DPP10: variants seen among roughly 807,000 people sequenced by gnomAD.
DPP10 encodes the protein inactive dipeptidyl peptidase 10.
A neutral mutation model predicts 120.9 loss-of-function variants in DPP10; 33 were observed. That is an observed-to-expected ratio of 0.27 (90% CI 0.21 to 0.37). The LOEUF is 0.37. Ranked by LOEUF, DPP10 falls within the 10% of genes least tolerant of loss-of-function variation. DPP10 has a pLI of 1.00. For missense variants in DPP10, 816 were observed against 942.8 expected, an observed-to-expected ratio of 0.87 and a Z score of 1.76; for synonymous variants, 337 against 326.1, an observed-to-expected ratio of 1.03 and a Z score of -0.36.
At chr2:115,131,257 G>A (rs2050341653) in intron 1 of DPP10, among the ~76,000 whole-genome samples, 1 of 152,234 alleles carries the variant, frequency 6.6e-6, no homozygotes, top group South Asian at 2.1e-4. Context: ...GCTCATGCCT[G>A]TAATCCCCGA....
At chr2:115,225,493 ATGTG>A (rs35747472) in intron 1 of DPP10, among the ~76,000 whole-genome samples, 36,022 of 149,944 alleles carry the variant, frequency 0.24, 5,173 homozygotes, top group African/African-American at 0.38. Context: ...AACCGCATGA[ATGTG>A]TGTGTGTGTG....
chr2:115,353,677 T>C (rs1211769603), intron 3 of DPP10, among the ~76,000 whole-genome samples: 1 of 152,164 alleles, frequency 6.6e-6, no homozygotes, highest in East Asian at 1.9e-4. Context: ...TGCTATTTAT[T>C]TGCATTTTTT....
intron 1 of DPP10, among the ~76,000 whole-genome samples, chr2:114,621,592 G>T (rs1694095047): frequency 6.6e-6 from 1 of 151,882 alleles, no homozygotes; most frequent in African/African-American, 2.4e-5. Context: ...TTGCAAGTAG[G>T]TTTTTTGTGT....
chr2:115,005,212 T>A (rs375531997), intron 1 of DPP10, among the ~76,000 whole-genome samples: 1 of 152,084 alleles, frequency 6.6e-6, no homozygotes, highest in Non-Finnish European at 1.5e-5. Context: ...CCAAAAACCC[T>A]TCTGTACATC....
chr2:114,815,462 G>A (rs1230191778), intron 1 of DPP10, among the ~76,000 whole-genome samples: 1 of 152,074 alleles, frequency 6.6e-6, no homozygotes, highest in East Asian at 1.9e-4. Context: ...TGCATTGAGG[G>A]TATATTCAGG....
chr2:114,606,134 G>GT (rs762189855), intron 1 of DPP10, among the ~76,000 whole-genome samples: 6 of 152,180 alleles, frequency 3.9e-5, no homozygotes, highest in Non-Finnish European at 7.4e-5. Context: ...TTAATGTTGT[G>GT]TCTTAATATA....
intron 5 of DPP10, among the ~76,000 whole-genome samples, chr2:115,601,700 G>C (rs899828621): frequency 4.5e-4 from 69 of 152,256 alleles, no homozygotes; most frequent in African/African-American, 1.2e-3. Flanking sequence ...AATGGAGACG[G>C]AGTCTTTCTC....
rs1253898414 is a variant in DPP10 at position 115,626,038 on chromosome 2, G to GA, written c.442-63638dup. On this transcript the variant is annotated intron_variant, in intron 5 of 25. Coordinates refer to ENST00000410059, the MANE Select transcript of DPP10 (RefSeq NM_020868.6). Reference sequence around the variant, plus strand: ...TTGGGTATACTTTCCTGGCCAAAAAGAAAAAAAAAAACAAAAAACAGAAGT... The same window carrying GA: ...TTGGGTATACTTTCCTGGCCAAAAAGAAAAAAAAAAAACAAAAAACAGAAGT... Among the ~76,000 whole-genome samples the GA allele has an allele frequency of 3.4e-3, 432 of 125,366 alleles. 2 individuals are homozygous for GA. The highest frequency in any genetic ancestry group is 9.3e-3 in the African/African-American group (317 of 34,248). The allele number at this position is 125,366 out of a possible 152,430, so 82.2% of individuals were successfully genotyped here.
At position 115,768,367 on chromosome 2, in the gene DPP10, G is replaced by T; in HGVS notation, c.1184G>T (p.Arg395Leu). 1.2e-6 allele frequency: 2 copies of T among 1,613,568 alleles called. No homozygotes were observed. Among genetic ancestry groups the T allele is most frequent in the Non-Finnish European group, 1.7e-6 (2 of 1,179,624 alleles). ...ACAGTGCCTGTTAAGCAAGGGGGAC[G>T]TGGAGAATTTCACCACGTAGCTATG... is the stretch of plus-strand genomic sequence containing the variant. ...FMTVPVKQGGRGEFHHVAMFL... is the reference protein window; with the variant it reads ...FMTVPVKQGGLGEFHHVAMFL... Residue 395 changes from arginine to leucine, a missense_variant, in exon 13 of 26, where the codon CGT (arginine) becomes CTT (leucine). Physicochemically the swap from Arg to Leu is moderately radical, Grantham distance 102. Coordinates refer to ENST00000410059, the MANE Select transcript of DPP10 (RefSeq NM_020868.6).
chr2:115,697,737 G>A (rs1286000421), intron 7 of DPP10, among the ~76,000 whole-genome samples: 3 of 152,156 alleles, frequency 2.0e-5, no homozygotes, highest in Non-Finnish European at 2.9e-5. Flanking sequence ...TGTAATCCCA[G>A]CACTTTAGGA....
intron 1 of DPP10, among the ~76,000 whole-genome samples, chr2:114,810,778 C>T (rs1685109189): frequency 6.6e-6 from 1 of 152,116 alleles, no homozygotes; most frequent in Non-Finnish European, 1.5e-5. Flanking sequence ...AGAGAAGGGT[C>T]CTCACCTTGG....
intron 7 of DPP10, among the ~76,000 whole-genome samples, chr2:115,710,755 A>T (rs1003751561): frequency 2.6e-5 from 4 of 152,136 alleles, no homozygotes; most frequent in Admixed American, 6.6e-5. Context: ...AAAACCTAAG[A>T]TGTATTCGCT....
chr2:115,373,419 T>G (rs570479147), intron 3 of DPP10, among the ~76,000 whole-genome samples: 7 of 152,276 alleles, frequency 4.6e-5, no homozygotes, highest in African/African-American at 1.7e-4. Context: ...AATAGTAGAT[T>G]TGAAAGTCTT....
chr2:114,798,948 G>A (rs1349697928), intron 1 of DPP10, among the ~76,000 whole-genome samples: 4 of 152,086 alleles, frequency 2.6e-5, no homozygotes, highest in African/African-American at 9.7e-5. Context: ...GGTCAACATG[G>A]TGAAACCCCG....
rs145707305 is a variant in DPP10 at position 115,732,928 on chromosome 2, G to A, written c.697+4992G>A. On this transcript the variant is annotated intron_variant, in intron 8 of 25. Transcript: ENST00000410059. ...TCTTGGGTATTTCCAACTTAGTGTA[G>A]TGATAAACAATAAACAACTATTGTA... Among the ~76,000 whole-genome samples the A allele has an allele frequency of 2.0e-4, 30 of 152,190 alleles. 2 individuals are homozygous for A. The highest frequency in any genetic ancestry group is 7.0e-4 in the African/African-American group (29 of 41,524).
chr2:114,854,816 T>C (rs897841585), intron 1 of DPP10, among the ~76,000 whole-genome samples: 3 of 152,214 alleles, frequency 2.0e-5, no homozygotes, highest in African/African-American at 4.8e-5. Context: ...AAAATGAATC[T>C]ATTCTTATTT....
At chr2:115,226,953 A>G (rs2105457457) in intron 1 of DPP10, among the ~76,000 whole-genome samples, 1 of 152,326 alleles carries the variant, frequency 6.6e-6, no homozygotes, top group Admixed American at 6.5e-5. Context: ...AAAACAAAAC[A>G]CAGAAATCAC....
At position 115,068,099 on chromosome 2, in the gene DPP10, C is replaced by T. The variant is rs557145382; in HGVS notation, c.61-241140C>T. Among the ~76,000 whole-genome samples the T allele has an allele frequency of 2.8e-4, 43 of 151,874 alleles. No homozygotes were observed. In the South Asian group the frequency reaches 7.9e-3, roughly 28 times the overall value. ...GAATGTATACACAATATTGGGATTG[C>T]TGGATTATATGATAATTATTTTTAA... On this transcript the variant is annotated intron_variant, in intron 1 of 25. Transcript: ENST00000410059.
chr2:114,999,998 T>C (rs1266313502), intron 1 of DPP10, among the ~76,000 whole-genome samples: 4 of 128,216 alleles, frequency 3.1e-5, no homozygotes, highest in Admixed American at 8.8e-5. Context: ...CCCATTGTTA[T>C]GTTAATTCAA....
Sources: gnomAD v4.1 joint callset for allele counts (sites outside exome capture counted in the v4.1 genomes callset) on GRCh38, gnomAD v4.1.1 for gene constraint, MANE v1.5 for transcripts, NCBI Gene and HGNC (gene_info 2026-07-23, HGNC 2026-07-21) for gene names.